LGSN: variants seen among roughly 807,000 people sequenced by gnomAD.
The protein encoded by LGSN is lengsin, lens protein with glutamine synthetase domain.
In LGSN, 21 loss-of-function variants were observed where a neutral mutation model predicts 19.5. That is an observed-to-expected ratio of 1.07 (90% CI 0.76 to 1.55). The LOEUF is 1.55. Among genes scored for constraint, LGSN ranks in the 40% most tolerant of loss-of-function variants. The pLI is 0.00. For missense variants in LGSN, 673 were observed against 608.5 expected, an observed-to-expected ratio of 1.11 and a Z score of -1.12; for synonymous variants, 257 against 215.6, an observed-to-expected ratio of 1.19 and a Z score of -1.68.
At chr6:63,390,118 CTTTTTTTTTTTTTTT>C in the LGSN span, among the ~76,000 whole-genome samples, 1 of 66,336 alleles carries the variant, frequency 1.5e-5, no homozygotes, top group Non-Finnish European at 2.8e-5. Context: ...TTCTTTCTTT[CTTTTTTTTTTTTTTT>C]TTTTTTTTTT....
chr6:63,368,058 T>C, the LGSN span, among the ~76,000 whole-genome samples: 1 of 150,842 alleles, frequency 6.6e-6, no homozygotes, highest in South Asian at 2.1e-4. Context: ...ACCTGCACAT[T>C]GTGCACATGT....
At chr6:63,295,175 T>G (rs1767936470) in intron 1 of LGSN, 130 bp from the exon 2 acceptor site, 2 of 804,996 alleles carry the variant, frequency 2.5e-6, no homozygotes, top group Admixed American at 5.4e-5. Context: ...TGATGAAAAT[T>G]TTGTCACTTC....
At chr6:63,314,265 T>G (rs916973177) in intron 1 of LGSN, among the ~76,000 whole-genome samples, 2 of 152,206 alleles carry the variant, frequency 1.3e-5, no homozygotes, top group South Asian at 4.1e-4. Context: ...AGAAGAGTGC[T>G]TACTTCCTCT....
intron 2 of LGSN, among the ~76,000 whole-genome samples, chr6:63,288,733 C>T (rs1767649076): frequency 6.6e-6 from 1 of 152,232 alleles, no homozygotes; most frequent in Non-Finnish European, 1.5e-5. Flanking sequence ...TCTCTCTCCC[C>T]TTGGCTTCTA....
At chr6:63,373,893 C>T in the LGSN span, among the ~76,000 whole-genome samples, 2 of 151,878 alleles carry the variant, frequency 1.3e-5, no homozygotes, top group Non-Finnish European at 2.9e-5. Flanking sequence ...CAAGATGGGG[C>T]CACTGCACTC....
At chr6:63,532,525 A>T in the LGSN span, among the ~76,000 whole-genome samples, 1 of 152,136 alleles carries the variant, frequency 6.6e-6, no homozygotes, top group African/African-American at 2.4e-5. Flanking sequence ...CTAGCTGTAC[A>T]TGGAGGTAGG....
At chr6:63,325,144 T>C in the LGSN span, among the ~76,000 whole-genome samples, 1 of 139,326 alleles carries the variant, frequency 7.2e-6, no homozygotes, top group Non-Finnish European at 1.6e-5. Context: ...TTCAAATATA[T>C]AATCTAATGA....
At chr6:63,523,880 T>C in the LGSN span, among the ~76,000 whole-genome samples, 1 of 152,176 alleles carries the variant, frequency 6.6e-6, no homozygotes, top group African/African-American at 2.4e-5. Context: ...ACAGATTGCC[T>C]ACTCCTAGCA....
the LGSN span, among the ~76,000 whole-genome samples, chr6:63,477,664 T>C: frequency 0.015 from 2,223 of 148,754 alleles, 22 homozygotes; most frequent in Non-Finnish European, 0.024. Context: ...TCTTTTTCTT[T>C]TTCTTCTTCT....
intron 1 of LGSN, among the ~76,000 whole-genome samples, chr6:63,317,470 G>T (rs900541509): frequency 2.0e-5 from 3 of 152,162 alleles, no homozygotes; most frequent in African/African-American, 7.2e-5. Context: ...TCTCTCCACT[G>T]AGAATTCTTA....
At position 63,280,672 on chromosome 6, in the gene LGSN, T is replaced by G; in HGVS notation, c.879A>C (p.Ala293=). 6.2e-7 allele frequency: 1 copy of G among 1,614,122 alleles called. No individual in the cohort carries two copies. Among genetic ancestry groups the G allele is most frequent in the Non-Finnish European group, 8.5e-7 (1 of 1,180,016 alleles). The change falls in exon 4 of 4, where the codon GCA becomes GCC. Residue 293 remains alanine, a synonymous_variant. Transcript: ENST00000370657. The part of the protein sequence containing the change: ...FTLRTGVKEV[A]RKYNYIASFF... Reference sequence around the variant, plus strand: ...AGCTGGCAATGTAATTATATTTCCTTGCCACTTCTTTGACACCTGTTCTGA... The same window carrying G: ...AGCTGGCAATGTAATTATATTTCCTGGCCACTTCTTTGACACCTGTTCTGA...
intron 2 of LGSN, among the ~76,000 whole-genome samples, chr6:63,292,699 A>G (rs991134907): frequency 6.6e-6 from 1 of 152,002 alleles, no homozygotes; most frequent in Admixed American, 6.6e-5. Flanking sequence ...TCTGTCCATA[A>G]CTCCACTAAG....
At chr6:63,379,767 G>T in the LGSN span, among the ~76,000 whole-genome samples, 2 of 151,890 alleles carry the variant, frequency 1.3e-5, no homozygotes, top group South Asian at 2.1e-4. Flanking sequence ...AGTTGTTTTT[G>T]TTTTTTTACA....
chr6:63,431,356 G>A, the LGSN span, among the ~76,000 whole-genome samples: 6 of 152,214 alleles, frequency 3.9e-5, no homozygotes, highest in Non-Finnish European at 7.3e-5. Context: ...GGGCCAGGCA[G>A]AAGAGAAAGA....
At chr6:63,472,937 T>C in the LGSN span, among the ~76,000 whole-genome samples, 1 of 151,532 alleles carries the variant, frequency 6.6e-6, no homozygotes, top group Non-Finnish European at 1.5e-5. Flanking sequence ...CGAGACTCTG[T>C]CTCAAAAAAA....
the LGSN span, among the ~76,000 whole-genome samples, chr6:63,447,640 C>T: frequency 2.6e-5 from 4 of 152,094 alleles, no homozygotes; most frequent in Non-Finnish European, 5.9e-5. Context: ...TATAAGGAGT[C>T]AAAATAACTG....
the LGSN span, among the ~76,000 whole-genome samples, chr6:63,510,197 G>A: frequency 1.3e-5 from 2 of 151,922 alleles, no homozygotes; most frequent in African/African-American, 2.4e-5. Flanking sequence ...TGTCATTGCC[G>A]CCTTCAGTAC....
chr6:63,476,013 C>T, the LGSN span, among the ~76,000 whole-genome samples: 5 of 152,014 alleles, frequency 3.3e-5, no homozygotes, highest in South Asian at 2.1e-4. Flanking sequence ...GATCAAGAGC[C>T]GAGTGGAGAT....
the LGSN span, among the ~76,000 whole-genome samples, chr6:63,508,136 C>A: frequency 3.3e-5 from 5 of 152,162 alleles, no homozygotes; most frequent in Non-Finnish European, 7.4e-5. Flanking sequence ...ATTATGCCAA[C>A]TTCATATAAA....
Sources: allele counts gnomAD v4.1 joint callset (sites outside exome capture counted in the v4.1 genomes callset), GRCh38; gene constraint gnomAD v4.1.1; transcripts MANE v1.5; gene names NCBI Gene and HGNC (gene_info 2026-07-23, HGNC 2026-07-21).